The following NR2F2 variants were observed in gnomAD, a reference collection of about 807,000 sequenced individuals.
NR2F2 encodes the protein nuclear receptor subfamily 2 group F member 2, also known as COUP transcription factor 2.
In NR2F2, 2 loss-of-function variants were observed where a neutral mutation model predicts 34.8. The ratio of observed to expected loss-of-function variants is 0.06; its 90% CI spans 0.02 to 0.18. The LOEUF is 0.18. NR2F2 is among the 10% of genes least tolerant of loss of function. The pLI is 1.00. For missense variants in NR2F2, 300 were observed against 580.1 expected (o/e 0.52, Z 4.96); for synonymous variants, 274 against 251.8 (o/e 1.09, Z -0.84).
At chr15:96,327,833 T>C (rs563132470), upstream of NR2F2, among the ~76,000 whole-genome samples, 2 of 152,344 alleles carry the variant, frequency 1.3e-5, no homozygotes, top group Non-Finnish European at 2.9e-5. Flanking sequence ...GGTGTTGAGT[T>C]TCTTTCTTTT....
In NR2F2 at chr15:96,331,025, C is replaced by CT. The variant is rs1032396138; in HGVS notation, c.-1078dup. ...CTCCCCCGCCGCCGGCGAGTTGACT[C>CT]TTTCCCTATGTGTGTGAGGCGGCGG... On this transcript the variant is annotated 5_prime_UTR_variant, in exon 1 of 3. Coordinates refer to ENST00000394166, the MANE Select transcript of NR2F2 (RefSeq NM_021005.4). 3.3e-6 allele frequency: 4 copies of CT among 1,228,536 alleles called. No homozygotes were observed. The highest frequency in any genetic ancestry group is 4.1e-6 in the Non-Finnish European group (4 of 985,904). 76.1% of individuals were successfully genotyped at this position (1,228,536 alleles called of 1,614,324 possible).
intron 1 of NR2F2, among the ~76,000 whole-genome samples, chr15:96,332,877 C>T (rs538785159): frequency 1.3e-5 from 2 of 149,294 alleles, no homozygotes; most frequent in African/African-American, 2.5e-5. Flanking sequence ...TCTCTCTGCC[C>T]TTGTTTTTCC....
chr15:96,337,739 A>G lies in NR2F2; in HGVS notation c.*117A>G, dbSNP rs1948072432. 1.0e-6 allele frequency: 1 copy of G among 981,764 alleles called. No individual in the cohort carries two copies. Among genetic ancestry groups the G allele is most frequent in the Non-Finnish European group, 1.4e-6 (1 of 700,418 alleles). The allele number at this position is 981,764 out of a possible 1,614,324, so 60.8% of individuals were successfully genotyped here. ...AAAAGGATGTTACAAGTTTGCTAAA[A>G]GAAGAGAGGGGAAGAATTTAATGGA... On this transcript the variant is annotated 3_prime_UTR_variant, in exon 3 of 3. Transcript: ENST00000394166.
Position 96,334,617 on chromosome 15 carries a change from C to T in NR2F2, c.970+14C>T, listed in dbSNP as rs201504055. On this transcript the variant is annotated intron_variant, in intron 2 of 2. Coordinates refer to ENST00000394166, the MANE Select transcript of NR2F2 (RefSeq NM_021005.4). ...TGTTCACCTCAGGTAGGAAGGAGCC[C>T]TGTCTTCTCGTGCCCACGGGCTCCT... is the stretch of plus-strand genomic sequence containing the variant. 8.8e-5 allele frequency: 139 copies of T among 1,574,660 alleles called. No homozygotes were observed. Among genetic ancestry groups the T allele is most frequent in the Non-Finnish European group, 1.1e-4 (131 of 1,156,874 alleles).
At chr15:96,336,194 A>T (rs1899321283) in intron 2 of NR2F2, among the ~76,000 whole-genome samples, 1 of 152,202 alleles carries the variant, frequency 6.6e-6, no homozygotes, top group South Asian at 2.1e-4. Flanking sequence ...AGTTTAATTT[A>T]TGACTATTTG....
At position 96,332,032 on chromosome 15, in the gene NR2F2, C is replaced by CCCGG. The variant is rs1381146122; in HGVS notation, c.-73_-70dup. The CCCGG allele has an allele frequency of 2.4e-6, 3 of 1,241,926 alleles. No individual in the cohort carries two copies. The highest frequency in any genetic ancestry group is 3.0e-6 in the Non-Finnish European group (3 of 992,328). The allele number at this position is 1,241,926 out of a possible 1,614,324, so 76.9% of individuals were successfully genotyped here. On this transcript the variant is annotated 5_prime_UTR_variant, in exon 1 of 3. Transcript: ENST00000394166. ...AAAGGCGGCGCGCCGGAGCCCGAGA[C>CCCGG]CCGGGGAGCCGCCGCCGCCCCGCCG...
chr15:96,326,376 T>G, upstream of NR2F2: 1 of 1,598,426 alleles, frequency 6.3e-7, no homozygotes, highest in Non-Finnish European at 8.6e-7. This position sits in a 1 kb window ranked among gnomAD's most constrained non-coding sequence, Gnocchi z 5.5. Context: ...CAGTATTTTT[T>G]CTCTCTCTCT....
rs111947874 is a variant in NR2F2, at chr15:96,331,144, C to T, written c.-962C>T. ...GCGCTAGACGCAGCGGCTCCGGGCC[C>T]GACCCGGCGGCTTCGGCGGCGGCTC... On this transcript the variant is annotated 5_prime_UTR_variant, in exon 1 of 3. Transcript: ENST00000394166. 0.043 allele frequency: 46,732 copies of T among 1,075,652 alleles called. 2,131 individuals carry two copies. Among genetic ancestry groups the T allele is most frequent in the East Asian group, 0.3 (6,164 of 20,640 alleles). 66.6% of individuals were successfully genotyped at this position (1,075,652 alleles called of 1,614,324 possible).
In NR2F2 at chr15:96,331,932, T is replaced by TAACCAACCTC; in HGVS notation, c.-165_-156dup. On this transcript the variant is annotated 5_prime_UTR_variant, in exon 1 of 3. Transcript: ENST00000394166. ...AAAGCAAAAACAAAAAAGGAAAAAC[T>TAACCAACCTC]AACCAACCTCAACCAACCAGCCCCC... The TAACCAACCTC allele has an allele frequency of 8.3e-7, 1 of 1,205,718 alleles. No homozygotes were observed. Among genetic ancestry groups the TAACCAACCTC allele is most frequent in the Non-Finnish European group, 1.0e-6 (1 of 971,914 alleles). 74.7% of individuals were successfully genotyped at this position (1,205,718 alleles called of 1,614,324 possible). A position where few individuals can be genotyped will look rare whatever the true frequency, so the allele number is the denominator to read the frequency against.
At position 96,331,610 on chromosome 15, in the gene NR2F2, C is replaced by G. The variant is rs1323233515; in HGVS notation, c.-496C>G. On this transcript the variant is annotated 5_prime_UTR_variant, in exon 1 of 3. Transcript: ENST00000394166. Reference sequence around the variant, plus strand: ...CCTCCTCCTCCTCCTCCGCCAACTCCTCGGCTGCACACCAGCTCTAAGAGC... The same window carrying G: ...CCTCCTCCTCCTCCTCCGCCAACTCGTCGGCTGCACACCAGCTCTAAGAGC... 2 of 1,204,208 alleles carry G rather than the reference C, an allele frequency of 1.7e-6. No individual in the cohort carries two copies. Among genetic ancestry groups the G allele is most frequent in the East Asian group, 6.5e-5 (2 of 30,986 alleles). The allele number at this position is 1,204,208 out of a possible 1,614,324, so 74.6% of individuals were successfully genotyped here.
chr15:96,327,069 A>G (rs1413861243), upstream of NR2F2: 1 of 152,218 alleles, frequency 6.6e-6, no homozygotes, highest in African/African-American at 2.4e-5. Flanking sequence ...CTCTGTCCAG[A>G]ACATTCAAGG....
At position 96,330,784 on chromosome 15, in the gene NR2F2, T is replaced by G; in HGVS notation, c.-1322T>G. ...TTTTAGCATATTTGATCACTTTGAT[T>G]CTCTGTTCTTTTCTCTCCGCGGTGT... On this transcript the variant is annotated 5_prime_UTR_variant, in exon 1 of 3. It adds an upstream start codon to the 5' untranslated region. Transcript: ENST00000394166. The G allele has an allele frequency of 9.7e-6, 9 of 932,124 alleles. No individual in the cohort carries two copies. The highest frequency in any genetic ancestry group is 5.1e-5 in the East Asian group (1 of 19,682). The allele number at this position is 932,124 out of a possible 1,614,324, so 57.7% of individuals were successfully genotyped here. A position where few individuals can be genotyped will look rare whatever the true frequency, so the allele number is the denominator to read the frequency against.
chr15:96,329,357 C>T (rs1358702638), upstream of NR2F2, among the ~76,000 whole-genome samples: 1 of 152,192 alleles, frequency 6.6e-6, no homozygotes, highest in East Asian at 1.9e-4. Context: ...TTCAAAGACA[C>T]AACTGTCTCA....
rs1381103214 is a variant in NR2F2 at position 96,332,309 on chromosome 15, C to T, written c.204C>T (p.Ser68=). The T allele has an allele frequency of 1.3e-6, 2 of 1,584,486 alleles. No homozygotes were observed. Among genetic ancestry groups the T allele is most frequent in the East Asian group, 2.3e-5 (1 of 42,802 alleles). ...AGGGCGGCCCTGGCGGCCCGGGTAG[C>T]GACAAGCAGCAGCAGCAGCAACACA... ...GGQGGPGGPG[S]DKQQQQQHIE... The change falls in exon 1 of 3, where the codon AGC becomes AGT. Residue 68 remains serine (S), a synonymous_variant. Transcript: ENST00000394166.
intron 1 of NR2F2, 49 bp downstream of exon 1, chr15:96,332,596 G>A (rs1345065684): frequency 6.3e-7 from 1 of 1,587,628 alleles, no homozygotes; most frequent in Non-Finnish European, 8.6e-7. Context: ...CCGGGGTCCT[G>A]GGTACGTTTG....
upstream of NR2F2, chr15:96,326,488 G>T: frequency 1.4e-5 from 9 of 645,984 alleles, no homozygotes; most frequent in Admixed American, 2.5e-5. The surrounding 1 kb of genome is among the most constrained non-coding windows in gnomAD (Gnocchi z 5.5). Flanking sequence ...GAGGACTGTG[G>T]TTTAAGGGGT....
rs982012477 is a variant in NR2F2, at chr15:96,331,998, GCA to G, written c.-101_-100del. The G allele has an allele frequency of 8.2e-7, 1 of 1,213,684 alleles. No homozygotes were observed. Among genetic ancestry groups the G allele is most frequent in the African/African-American group, 1.6e-5 (1 of 62,862 alleles). 75.2% of individuals were successfully genotyped at this position (1,213,684 alleles called of 1,614,324 possible). ...CCCTCCCGCGCCCTCTTGCACCCTC[GCA>G]CACACAAAAGGCGGCGCGCCGGAGC... On this transcript the variant is annotated 5_prime_UTR_variant, in exon 1 of 3. Coordinates refer to ENST00000394166, the MANE Select transcript of NR2F2 (RefSeq NM_021005.4).
chr15:96,331,580 C>A lies in NR2F2; in HGVS notation c.-526C>A. 1 of 1,177,822 alleles carries A rather than the reference C, an allele frequency of 8.5e-7. No individual in the cohort carries two copies. Among genetic ancestry groups the A allele is most frequent in the Non-Finnish European group, 1.0e-6 (1 of 966,886 alleles). 73.0% of individuals were successfully genotyped at this position (1,177,822 alleles called of 1,614,324 possible). ...CCTTCACCACCACCTCCTCTTCCTC[C>A]TCCTCCTCCTCCTCCTCCTCCGCCA... On this transcript the variant is annotated 5_prime_UTR_variant, in exon 1 of 3. Transcript: ENST00000394166.
chr15:96,330,783 T>C lies in NR2F2; in HGVS notation c.-1323T>C, dbSNP rs1899111707. 1 of 752,018 alleles carries C rather than the reference T, an allele frequency of 1.3e-6. No homozygotes were observed. Among genetic ancestry groups the C allele is most frequent in the East Asian group, 6.6e-5 (1 of 15,048 alleles). The allele number at this position is 752,018 out of a possible 1,614,324, so 46.6% of individuals were successfully genotyped here. A position where few individuals can be genotyped will look rare whatever the true frequency, so the allele number is the denominator to read the frequency against. The stretch of plus-strand genomic sequence containing the variant: ...TTTTTAGCATATTTGATCACTTTGA[T>C]TCTCTGTTCTTTTCTCTCCGCGGTG... On this transcript the variant is annotated 5_prime_UTR_variant, in exon 1 of 3. Transcript: ENST00000394166.
Sources: allele counts gnomAD v4.1 joint callset (sites outside exome capture counted in the v4.1 genomes callset), GRCh38; gene constraint gnomAD v4.1.1; non-coding constraint Gnocchi (gnomAD v3.1); transcripts MANE v1.5; gene names NCBI Gene and HGNC (gene_info 2026-07-23, HGNC 2026-07-21).